The following RGS22 variants were observed in gnomAD, a reference collection of about 807,000 sequenced individuals.
RGS22 encodes the protein regulator of G-protein signaling 22.
RGS22 carries 148 observed loss-of-function variants against 172.9 expected under a neutral mutation model. The ratio of observed to expected loss-of-function variants is 0.86; its 90% CI spans 0.75 to 0.98. The LOEUF (loss-of-function observed/expected upper bound fraction) is 0.98, where lower values mean the gene tolerates loss of function less well. RGS22 is among the 50% of genes least tolerant of loss of function. The pLI, the probability that RGS22 is intolerant of heterozygous loss-of-function variation, is 0.00. For missense variants in RGS22, 1,347 were observed against 1,440.8 expected, an observed-to-expected ratio of 0.93 and a Z score of 1.05; for synonymous variants, 458 against 480.2, an observed-to-expected ratio of 0.95 and a Z score of 0.60.
At chr8:99,961,604 C>A (rs1810203409) in intron 27 of RGS22, among the ~76,000 whole-genome samples, 1 of 152,144 alleles carries the variant, frequency 6.6e-6, no homozygotes, top group Non-Finnish European at 1.5e-5. Flanking sequence ...AACCTCTTTC[C>A]TTTATAAATT....
chr8:100,008,058 A>G (rs1734805739), intron 15 of RGS22, among the ~76,000 whole-genome samples: 1 of 146,932 alleles, frequency 6.8e-6, no homozygotes, highest in African/African-American at 2.5e-5. Flanking sequence ...TTTTTTTTAG[A>G]CCGAGTTTTG....
At position 99,996,538 on chromosome 8, in the gene RGS22, C is replaced by G. The variant is rs758488733; in HGVS notation, c.2950-8G>C. 6.2e-7 allele frequency: 1 copy of G among 1,608,644 alleles called. No homozygotes were observed. Among genetic ancestry groups the G allele is most frequent in the Non-Finnish European group, 8.5e-7 (1 of 1,176,388 alleles). ...TATGTCTTTCATCTGTACCTGAAAGCAAAACCAATTATTTTATCCCAGTTA... is the reference window on the plus strand; with the variant it reads ...TATGTCTTTCATCTGTACCTGAAAGGAAAACCAATTATTTTATCCCAGTTA... On this transcript the variant is annotated splice_polypyrimidine_tract_variant and splice_region_variant and intron_variant, in intron 19 of 27. Transcript: ENST00000360863.
intron 20 of RGS22, among the ~76,000 whole-genome samples, chr8:99,993,024 A>C (rs972484289): frequency 6.6e-6 from 1 of 152,166 alleles, no homozygotes; most frequent in Admixed American, 6.5e-5. Context: ...CTACTGGGTA[A>C]ATAACGAAAT....
intron 1 of RGS22, 87 bp downstream of exon 1, chr8:100,105,810 G>C: frequency 1.7e-6 from 2 of 1,185,608 alleles, no homozygotes; most frequent in Non-Finnish European, 2.4e-6. Context: ...ACCGCTAGGA[G>C]GGCAGGAGGT....
intron 2 of RGS22, among the ~76,000 whole-genome samples, chr8:100,100,574 G>A (rs901211359): frequency 1.3e-5 from 2 of 152,166 alleles, no homozygotes; most frequent in African/African-American, 4.8e-5. Flanking sequence ...ACAGGTGTGA[G>A]CCATTGCACC....
chr8:100,007,216 T>C (rs1424406618), intron 15 of RGS22, among the ~76,000 whole-genome samples: 1 of 152,164 alleles, frequency 6.6e-6, no homozygotes, highest in Admixed American at 6.5e-5. Context: ...TAAGAAGTTG[T>C]TGAGGAGATG....
intron 23 of RGS22, among the ~76,000 whole-genome samples, chr8:99,970,453 T>A (rs986078509): frequency 6.6e-6 from 1 of 152,102 alleles, no homozygotes; most frequent in Admixed American, 6.6e-5. Context: ...AGCTGGTTTT[T>A]TGAAAAGATT....
chr8:100,048,676 T>A (rs1820979295), intron 10 of RGS22, among the ~76,000 whole-genome samples: 1 of 152,102 alleles, frequency 6.6e-6, no homozygotes, highest in Non-Finnish European at 1.5e-5. Context: ...AGGGCTTACA[T>A]CTGTTTTAGT....
At chr8:100,104,696 C>G (rs1036583779) in intron 2 of RGS22, among the ~76,000 whole-genome samples, 1 of 152,062 alleles carries the variant, frequency 6.6e-6, no homozygotes, top group Non-Finnish European at 1.5e-5. Flanking sequence ...AGATAATTAG[C>G]CAACAAGAGA....
At chr8:100,057,572 A>G (rs1563680952) in intron 9 of RGS22, among the ~76,000 whole-genome samples, 1 of 152,174 alleles carries the variant, frequency 6.6e-6, no homozygotes, top group African/African-American at 2.4e-5. Context: ...GTGGTAGTGA[A>G]TAAGACTCAT....
chr8:100,022,290 G>A (rs1817672670), intron 14 of RGS22, among the ~76,000 whole-genome samples: 1 of 152,120 alleles, frequency 6.6e-6, no homozygotes, highest in Non-Finnish European at 1.5e-5. Flanking sequence ...CAATTGCTCA[G>A]ACCCTACTAA....
intron 14 of RGS22, among the ~76,000 whole-genome samples, chr8:100,019,725 C>G (rs1204714729): frequency 2.6e-5 from 4 of 151,790 alleles, no homozygotes; most frequent in African/African-American, 4.8e-5. Flanking sequence ...TTTTTAGACC[C>G]ATTACTCGAC....
intron 20 of RGS22, 148 bp from the exon 21 acceptor site, chr8:99,987,767 C>T: frequency 2.0e-6 from 1 of 494,074 alleles, no homozygotes; most frequent in Non-Finnish European, 3.3e-6. Context: ...TCTCTTTTGT[C>T]TCCTTTATAT....
rs536390579 is a variant in RGS22, at chr8:100,060,898, C to T, written c.1514+1693G>A. On this transcript the variant is annotated intron_variant, in intron 9 of 27. Transcript: ENST00000360863. Reference sequence around the variant, plus strand: ...AAAAAGAGTAAAGCTGGAGCCATCACACTACCCGAATTCAAACTATACTAC... The same window carrying T: ...AAAAAGAGTAAAGCTGGAGCCATCATACTACCCGAATTCAAACTATACTAC... Among the ~76,000 whole-genome samples, 3 of 152,254 alleles carry T rather than the reference C, an allele frequency of 2.0e-5. No individual in the cohort carries two copies. The South Asian group carries it at 6.2e-4, about 32-fold the overall frequency.
chr8:100,094,709 G>A (rs911559085), intron 2 of RGS22, among the ~76,000 whole-genome samples: 1 of 152,184 alleles, frequency 6.6e-6, no homozygotes, highest in African/African-American at 2.4e-5. Flanking sequence ...GCAGAACAAG[G>A]CAGATATCCT....
intron 4 of RGS22, among the ~76,000 whole-genome samples, chr8:100,073,991 A>C (rs984111016): frequency 6.6e-6 from 1 of 152,348 alleles, no homozygotes; most frequent in Non-Finnish European, 1.5e-5. Flanking sequence ...CTGATCAACC[A>C]TAAAATAACT....
intron 14 of RGS22, among the ~76,000 whole-genome samples, chr8:100,035,873 CT>C (rs1427724117): frequency 6.6e-6 from 1 of 152,128 alleles, no homozygotes; most frequent in Non-Finnish European, 1.5e-5. Context: ...AAACCAAACA[CT>C]GCATGTTCTC....
At chr8:99,998,309 C>T (rs1162998204) in intron 19 of RGS22, among the ~76,000 whole-genome samples, 2 of 152,176 alleles carry the variant, frequency 1.3e-5, no homozygotes, top group African/African-American at 4.8e-5. Context: ...TCAGAACAAC[C>T]TTACTAAGTA....
chr8:100,025,044 C>T (rs1818031992), intron 14 of RGS22, among the ~76,000 whole-genome samples: 1 of 143,476 alleles, frequency 7.0e-6, no homozygotes, highest in Non-Finnish European at 1.5e-5. Context: ...AAATGAGGAT[C>T]TTTGGAGATC....
Sources: allele counts gnomAD v4.1 joint callset (sites outside exome capture counted in the v4.1 genomes callset), GRCh38; gene constraint gnomAD v4.1.1; transcripts MANE v1.5; gene names NCBI Gene and HGNC (gene_info 2026-07-23, HGNC 2026-07-21).